FUT8: variants seen among roughly 807,000 people sequenced by gnomAD.
The protein encoded by FUT8 is alpha-(1,6)-fucosyltransferase.
In FUT8, 29 loss-of-function variants were observed where a neutral mutation model predicts 71.3. The ratio of observed to expected loss-of-function variants is 0.41; its 90% CI spans 0.30 to 0.55. The LOEUF (loss-of-function observed/expected upper bound fraction) is 0.55, where lower values mean the gene tolerates loss of function less well. FUT8 is among the 20% of genes least tolerant of loss of function. FUT8 has a pLI of 0.34. For missense variants in FUT8, 544 were observed against 702.1 expected, an observed-to-expected ratio of 0.77 and a Z score of 2.55; for synonymous variants, 254 against 239.3, an observed-to-expected ratio of 1.06 and a Z score of -0.57.
At position 65,671,863 on chromosome 14, in the gene FUT8, C is replaced by T. The variant is rs1892493537; in HGVS notation, c.835+2383C>T. On this transcript the variant is annotated intron_variant, in intron 7 of 10. Transcript: ENST00000673929. ...AGGAAATAGTGAATTTTAATAAGCT[C>T]CTTGACTTTAATTCTTTAGTTAGTC... Among the ~76,000 whole-genome samples, 3 of 152,082 alleles carry T rather than the reference C, an allele frequency of 2.0e-5. No individual in the cohort carries two copies. In the South Asian group the frequency reaches 6.2e-4, roughly 32 times the overall value.
chr14:65,561,550 T>C lies in FUT8; in HGVS notation c.-14T>C. The C allele has an allele frequency of 6.2e-7, 1 of 1,612,654 alleles. No individual in the cohort carries two copies. The highest frequency in any genetic ancestry group is 8.5e-7 in the Non-Finnish European group (1 of 1,179,218). ...AGCTCCAGGACTCCAGGGAAGTGAG[T>C]TGAAAATCTGAAAATGCGGCCATGG... On this transcript the variant is annotated 5_prime_UTR_variant, in exon 3 of 11. Transcript: ENST00000673929.
the FUT8 span, among the ~76,000 whole-genome samples, chr14:65,399,731 A>T: frequency 1.3e-5 from 2 of 152,356 alleles, no homozygotes; most frequent in Non-Finnish European, 2.9e-5. Context: ...AGGAAGGAAA[A>T]AGTTAATTAG....
chr14:65,474,147 G>T lies in FUT8; in HGVS notation c.-228+18429G>T, dbSNP rs80078601. Among the ~76,000 whole-genome samples, 858 of 152,022 alleles carry T rather than the reference G, an allele frequency of 5.6e-3. 29 individuals are homozygous for T. In the East Asian group the frequency reaches 0.091, roughly 16 times the overall value. ...TAGACTTTGGAGACTGAGACGCGGG[G>T]AGAATAGGAAGAAGATAAGGGATAA... On this transcript the variant is annotated intron_variant, in intron 2 of 10. Transcript: ENST00000673929.
At chr14:65,690,380 T>C (rs1351785117) in intron 7 of FUT8, among the ~76,000 whole-genome samples, 1 of 152,242 alleles carries the variant, frequency 6.6e-6, no homozygotes, top group East Asian at 1.9e-4. Flanking sequence ...TCTGCCTTTC[T>C]GTATAAACTT....
chr14:65,734,644 C>T (rs1191208344), intron 10 of FUT8, among the ~76,000 whole-genome samples: 1 of 152,260 alleles, frequency 6.6e-6, no homozygotes, highest in South Asian at 2.1e-4. Flanking sequence ...TTTATAACTA[C>T]TTGGTTCCTT....
At chr14:65,370,961 C>A in the FUT8 span, among the ~76,000 whole-genome samples, 1 of 152,094 alleles carries the variant, frequency 6.6e-6, no homozygotes. Context: ...AACTGTGGGA[C>A]GCTAAATATA....
At chr14:65,491,801 A>G (rs181318085) in intron 2 of FUT8, among the ~76,000 whole-genome samples, 33 of 152,262 alleles carry the variant, frequency 2.2e-4, no homozygotes, top group Admixed American at 8.5e-4. Context: ...GAAAAGTGAA[A>G]TGTGAAAAAC....
chr14:65,569,789 C>T (rs1408238268), intron 3 of FUT8, among the ~76,000 whole-genome samples: 1 of 151,908 alleles, frequency 6.6e-6, no homozygotes, highest in Non-Finnish European at 1.5e-5. Context: ...TATAAAGGCA[C>T]TGTGGAGGCT....
At position 65,742,054 on chromosome 14, in the gene FUT8, GT is replaced by G. The variant is rs200995364; in HGVS notation, c.1411-36del. ...CTTTTAGATTGCTGTGAAGGAGAGTGTTTATATACTAACAATTTCTTTTAAA... is the reference window on the plus strand; with the variant it reads ...CTTTTAGATTGCTGTGAAGGAGAGTGTTATATACTAACAATTTCTTTTAAA... On this transcript the variant is annotated intron_variant, in intron 10 of 10. Coordinates refer to ENST00000673929, the MANE Select transcript of FUT8 (RefSeq NM_001371533.1). The G allele has an allele frequency of 5.1e-4, 791 of 1,557,178 alleles. 11 individuals are homozygous for G. The East Asian group carries it at 0.016, about 32-fold the overall frequency.
intron 6 of FUT8, among the ~76,000 whole-genome samples, chr14:65,657,218 C>G (rs1001083025): frequency 1.3e-5 from 2 of 152,120 alleles, no homozygotes; most frequent in African/African-American, 4.8e-5. Flanking sequence ...AGTGAAGAGG[C>G]AACACACAGA....
At chr14:65,530,040 T>G (rs975330035) in intron 2 of FUT8, among the ~76,000 whole-genome samples, 4 of 152,242 alleles carry the variant, frequency 2.6e-5, no homozygotes, top group Non-Finnish European at 1.5e-5. Context: ...TTTTACCCTA[T>G]GCACATGTAG....
intron 3 of FUT8, among the ~76,000 whole-genome samples, chr14:65,597,643 A>G (rs1888064219): frequency 6.6e-6 from 1 of 152,000 alleles, no homozygotes. Flanking sequence ...AAACATAAAT[A>G]AAAGAAGAAG....
chr14:65,389,704 C>T, the FUT8 span, among the ~76,000 whole-genome samples: 1 of 151,936 alleles, frequency 6.6e-6, no homozygotes, highest in African/African-American at 2.4e-5. Context: ...ATCTGCCCAC[C>T]TCAGCCTTCC....
chr14:65,519,838 G>T (rs1262535711), intron 2 of FUT8, among the ~76,000 whole-genome samples: 1 of 152,056 alleles, frequency 6.6e-6, no homozygotes, highest in East Asian at 1.9e-4. Context: ...GAGTGCAGTG[G>T]CATGATCTTG....
chr14:65,466,732 A>G (rs900808330), intron 2 of FUT8, among the ~76,000 whole-genome samples: 4 of 152,162 alleles, frequency 2.6e-5, no homozygotes. Context: ...TCTGGGCGAC[A>G]GAGCAAGACT....
chr14:65,575,574 T>C (rs1033529965), intron 3 of FUT8, among the ~76,000 whole-genome samples: 1 of 2,782 alleles, frequency 3.6e-4, no homozygotes, highest in Non-Finnish European at 3.9e-3. Context: ...CTTCTTTCCT[T>C]CCTTCCTTCT....
At chr14:65,670,507 T>C (rs1005091822) in intron 7 of FUT8, among the ~76,000 whole-genome samples, 1 of 152,126 alleles carries the variant, frequency 6.6e-6, no homozygotes, top group African/African-American at 2.4e-5. Flanking sequence ...GATACTGAAT[T>C]AAGTGATCAG....
At chr14:65,402,669 C>CAA in the FUT8 span, among the ~76,000 whole-genome samples, 2 of 151,430 alleles carry the variant, frequency 1.3e-5, no homozygotes, top group African/African-American at 2.4e-5. Flanking sequence ...CCGTCTAAAG[C>CAA]AAAAAAAATT....
chr14:65,616,870 C>A (rs1366419188), intron 5 of FUT8, among the ~76,000 whole-genome samples: 1 of 151,540 alleles, frequency 6.6e-6, no homozygotes, highest in Non-Finnish European at 1.5e-5. Flanking sequence ...GTTCATTGTT[C>A]TTTCATTAGT....
Sources: gnomAD v4.1 joint callset for allele counts (sites outside exome capture counted in the v4.1 genomes callset) on GRCh38, gnomAD v4.1.1 for gene constraint, MANE v1.5 for transcripts, NCBI Gene and HGNC (gene_info 2026-07-23, HGNC 2026-07-21) for gene names.